The following ZNF143 variants were observed in gnomAD, a reference collection of about 807,000 sequenced individuals.
The protein encoded by ZNF143 is SPH-binding factor.
Under a neutral mutation model 74.1 loss-of-function variants are expected in ZNF143, and 49 were observed. That is an observed-to-expected ratio of 0.66 (90% confidence interval 0.53 to 0.84). The LOEUF (loss-of-function observed/expected upper bound fraction) is 0.84, where lower values mean the gene tolerates loss of function less well. ZNF143 is among the 40% of genes least tolerant of loss of function. The pLI is 0.00. For missense variants in ZNF143, 637 were observed against 793.4 expected, an observed-to-expected ratio of 0.80 and a Z score of 2.37; for synonymous variants, 304 against 282.8, an observed-to-expected ratio of 1.07 and a Z score of -0.75.
In ZNF143 at chr11:9,507,694, C is replaced by G. The variant is rs181614075; in HGVS notation, c.1148-925C>G. Among the ~76,000 whole-genome samples the G allele has an allele frequency of 3.4e-3, 520 of 152,220 alleles. 2 individuals carry two copies. Among genetic ancestry groups the G allele is most frequent in the Non-Finnish European group, 5.7e-3 (386 of 68,004 alleles). ...TTCCAGTTTGCTTTCAGTTTTAGGT[C>G]CCTACACCACCACATGTTAGCACTG... On this transcript the variant is annotated intron_variant, in intron 11 of 15. Transcript: ENST00000396602.
rs1231743656 is a variant in ZNF143 at position 9,497,774 on chromosome 11, T to A, written c.941T>A (p.Leu314Gln). Reference protein sequence around the residue: ...CTKSFKTSGDLQKHIRTHTGE... With the variant: ...CTKSFKTSGDQQKHIRTHTGE... The stretch of plus-strand genomic sequence containing the variant: ...AAATCTTTCAAAACTTCAGGAGATC[T>A]ACAGAAACACATCAGAACTCATACA... Residue 314 changes from leucine to glutamine, a missense_variant, in exon 10 of 16, where the codon CTA (leucine) becomes CAA (glutamine). Physicochemically the swap from Leu to Gln is moderately radical, Grantham distance 113. Around this residue, in one of 2 missense-constraint regions of ZNF143, gnomAD observed 344 missense variants for 485.6 expected, o/e 0.71. Transcript: ENST00000396602. The A allele has an allele frequency of 6.2e-7, 1 of 1,603,776 alleles. No individual in the cohort carries two copies. The highest frequency in any genetic ancestry group is 1.7e-5 in the Admixed American group (1 of 59,280).
At chr11:9,474,834 A>C (rs1468437857) in intron 5 of ZNF143, among the ~76,000 whole-genome samples, 5 of 152,366 alleles carry the variant, frequency 3.3e-5, no homozygotes, top group African/African-American at 9.6e-5. Context: ...TGGAACAGCA[A>C]ACCAAATGAC....
chr11:9,468,601 A>G (rs376381611), intron 1 of ZNF143, among the ~76,000 whole-genome samples: 5 of 152,190 alleles, frequency 3.3e-5, no homozygotes, highest in Non-Finnish European at 5.9e-5. Flanking sequence ...CGAGAACTCT[A>G]TCTCATTTGC....
At chr11:9,522,992 C>A (rs1468364883) in intron 14 of ZNF143, among the ~76,000 whole-genome samples, 1 of 152,082 alleles carries the variant, frequency 6.6e-6, no homozygotes, top group East Asian at 1.9e-4. Flanking sequence ...TGATCTCGAA[C>A]TCCTGACCTC....
At chr11:9,505,172 C>T (rs1324246451) in intron 11 of ZNF143, among the ~76,000 whole-genome samples, 1 of 121,586 alleles carries the variant, frequency 8.2e-6, no homozygotes, top group African/African-American at 2.6e-5. Context: ...CAGGGTTTCA[C>T]CATGTTGGCC....
chr11:9,467,824 A>G (rs1856333831), intron 1 of ZNF143, among the ~76,000 whole-genome samples: 2 of 148,232 alleles, frequency 1.3e-5, no homozygotes, highest in Admixed American at 1.4e-4. Context: ...GGCCTGGGCG[A>G]CAAGAGTGAG....
Position 9,512,505 on chromosome 11 carries a change from G to T in ZNF143, c.1433G>T (p.Gly478Val). The change falls in exon 13 of 16, where the codon GGG becomes GTG. Residue 478 changes from glycine to valine, a missense_variant. This residue lies in a region of ZNF143 where 344 missense variants were observed against 485.6 expected (regional missense o/e 0.71). Coordinates refer to ENST00000396602, the MANE Select transcript of ZNF143 (RefSeq NM_003442.6). ...SQITYVTGVE[G>V]DDVVSTQVAT... is the part of the protein sequence containing the mutation. ...ATTACGTATGTTACAGGTGTAGAAG[G>T]GGACGACGTTGTTTCTACACAAGTA... 6.2e-7 allele frequency: 1 copy of T among 1,614,116 alleles called. No homozygotes were observed. Among genetic ancestry groups the T allele is most frequent in the Non-Finnish European group, 8.5e-7 (1 of 1,180,008 alleles).
intron 13 of ZNF143, among the ~76,000 whole-genome samples, chr11:9,514,309 C>A (rs1848651334): frequency 6.6e-6 from 1 of 152,222 alleles, no homozygotes; most frequent in Admixed American, 6.5e-5. Context: ...TCTTTCCCAT[C>A]CCAATGTTGT....
intron 15 of ZNF143, 88 bp downstream of exon 15, chr11:9,525,474 A>G: frequency 6.5e-7 from 1 of 1,533,734 alleles, no homozygotes; most frequent in Non-Finnish European, 9.0e-7. Flanking sequence ...TATAACCTTT[A>G]CAGGAGGCAA....
chr11:9,467,606 G>A (rs1169448213), intron 1 of ZNF143, among the ~76,000 whole-genome samples: 2 of 152,004 alleles, frequency 1.3e-5, no homozygotes, highest in South Asian at 4.1e-4. Flanking sequence ...CCAGCACTTT[G>A]GGAAGCTGAG....
chr11:9,506,838 C>T (rs573670207), intron 11 of ZNF143, among the ~76,000 whole-genome samples: 7 of 152,016 alleles, frequency 4.6e-5, no homozygotes, highest in South Asian at 4.2e-4. Context: ...TTGCAAGGCT[C>T]GTCAGATGAC....
In ZNF143 at chr11:9,475,983, CCTA is replaced by C. The variant is rs886694786; in HGVS notation, c.373+1354_373+1356del. 1.3e-4 allele frequency among the ~76,000 whole-genome samples: 19 copies of C among 147,236 alleles called. No homozygotes were observed. In the Middle Eastern group the frequency reaches 0.011, roughly 83 times the overall value. On this transcript the variant is annotated intron_variant, in intron 5 of 15. Transcript: ENST00000396602. ...AAAATTTTTAAAGCAAGGTCCTTTG[CCTA>C]CTATGTTTAATTGAAACTAAGTATA... is the stretch of plus-strand genomic sequence containing the variant.
chr11:9,464,338 C>A (rs546677619), intron 1 of ZNF143, among the ~76,000 whole-genome samples: 34 of 152,134 alleles, frequency 2.2e-4, no homozygotes, highest in South Asian at 4.1e-4. Flanking sequence ...TGGTGGCTCA[C>A]GCCTATAATC....
chr11:9,470,219 A>T (rs561292785), intron 1 of ZNF143, among the ~76,000 whole-genome samples: 1 of 152,124 alleles, frequency 6.6e-6, no homozygotes, highest in Non-Finnish European at 1.5e-5. Context: ...CCATTCATCC[A>T]TTTATTCTGT....
intron 12 of ZNF143, among the ~76,000 whole-genome samples, chr11:9,511,951 CTG>C (rs1330171948): frequency 6.6e-6 from 1 of 151,390 alleles, no homozygotes; most frequent in Non-Finnish European, 1.5e-5. Flanking sequence ...CGGGGTTTCA[CTG>C]TGTTAGCCAG....
At chr11:9,482,910 CAA>C (rs2133946903) in intron 7 of ZNF143, among the ~76,000 whole-genome samples, 1 of 151,422 alleles carries the variant, frequency 6.6e-6, no homozygotes, top group African/African-American at 2.4e-5. Flanking sequence ...TTGTGTTAAA[CAA>C]AATAATTACT....
intron 11 of ZNF143, among the ~76,000 whole-genome samples, chr11:9,507,912 G>T (rs1848419142): frequency 6.6e-6 from 1 of 152,222 alleles, no homozygotes; most frequent in Non-Finnish European, 1.5e-5. Flanking sequence ...TGAACTGATA[G>T]TTGAAGCTGG....
At position 9,488,330 on chromosome 11, in the gene ZNF143, C is replaced by T. The variant is rs183690153; in HGVS notation, c.646-6316C>T. ...GTCCCTTACTTAAAATATTTTAATA[C>T]CTTCCTTTGGCTTTCATTGTCTAGG... On this transcript the variant is annotated intron_variant, in intron 7 of 15. Coordinates refer to ENST00000396602, the MANE Select transcript of ZNF143 (RefSeq NM_003442.6). Among the ~76,000 whole-genome samples, 246 of 152,270 alleles carry T rather than the reference C, an allele frequency of 1.6e-3. 1 individual carries two copies. Among genetic ancestry groups the T allele is most frequent in the Middle Eastern group, 0.01 (3 of 294 alleles).
intron 13 of ZNF143, among the ~76,000 whole-genome samples, chr11:9,514,155 C>G (rs1214711992): frequency 1.3e-5 from 2 of 152,172 alleles, no homozygotes; most frequent in Non-Finnish European, 2.9e-5. Context: ...GCGTCAGCCT[C>G]CCAGAGCGCT....
Sources: gnomAD v4.1 joint callset for allele counts (sites outside exome capture counted in the v4.1 genomes callset) on GRCh38, gnomAD v4.1.1 for gene constraint, gnomAD v4.1.1 regional missense constraint, MANE v1.5 for transcripts, NCBI Gene and HGNC (gene_info 2026-07-23, HGNC 2026-07-21) for gene names.